The following RNF6 variants were observed in gnomAD, a reference collection of about 807,000 sequenced individuals.
RNF6 encodes the protein E3 ubiquitin-protein ligase RNF6.
A neutral mutation model predicts 50.1 loss-of-function variants in RNF6; 21 were observed. That is an observed-to-expected ratio of 0.42 (90% CI 0.30 to 0.60). The LOEUF (loss-of-function observed/expected upper bound fraction) is 0.60. Ranked by LOEUF, RNF6 falls within the 20% of genes least tolerant of loss-of-function variation. RNF6 has a pLI of 0.20. For missense variants in RNF6, 698 were observed against 838.2 expected, an observed-to-expected ratio of 0.83 and a Z score of 2.07; for synonymous variants, 255 against 291.8, an observed-to-expected ratio of 0.87 and a Z score of 1.29.
In RNF6 at chr13:26,215,134, C is replaced by T. The variant is rs761904142; in HGVS notation, c.748G>A (p.Ala250Thr). 7 of 1,614,064 alleles carry T rather than the reference C, an allele frequency of 4.3e-6. No homozygotes were observed. Among genetic ancestry groups the T allele is most frequent in the Middle Eastern group, 1.6e-4 (1 of 6,084 alleles). Residue 250 changes from alanine (A) to threonine (T), a missense_variant, in exon 5 of 5, where the codon GCT becomes ACT. Physicochemically the swap from Ala to Thr is moderately conservative, Grantham distance 58 (BLOSUM62 0). Transcript: ENST00000381588. ...GGAAGIPRAN[A>T]SRTNFSSHTN... ...TGACTACTGAAATTAGTGCGTGAAGCGTTAGCTCGAGGAATGCCAGCTGCT... is the reference window on the plus strand; with the variant it reads ...TGACTACTGAAATTAGTGCGTGAAGTGTTAGCTCGAGGAATGCCAGCTGCT...
At chr13:26,178,482 G>A (rs527821591) in intron 5 of RNF6, among the ~76,000 whole-genome samples, 17 of 149,174 alleles carry the variant, frequency 1.1e-4, no homozygotes, top group Middle Eastern at 3.4e-3. Flanking sequence ...ATCATCTGGG[G>A]GATTAGCATT....
intron 5 of RNF6, among the ~76,000 whole-genome samples, chr13:26,160,639 A>T (rs1872167752): frequency 6.6e-6 from 1 of 150,970 alleles, no homozygotes; most frequent in Admixed American, 6.6e-5. Context: ...TATTCTATAA[A>T]TTGTGCTGAG....
At chr13:26,132,329 C>T in exon 6 of RNF6, 1 of 396,640 alleles carries the variant, frequency 2.5e-6, no homozygotes, top group South Asian at 1.9e-5. Context: ...ATACATTTTA[C>T]CCCTTAGGCT....
At chr13:26,154,664 G>T (rs1177394108) in intron 5 of RNF6, among the ~76,000 whole-genome samples, 1 of 152,184 alleles carries the variant, frequency 6.6e-6, no homozygotes. Context: ...AACATGATAA[G>T]TTAGGTGTAC....
intron 5 of RNF6, among the ~76,000 whole-genome samples, chr13:26,150,395 T>A (rs1022990807): frequency 1.3e-5 from 2 of 152,126 alleles, no homozygotes; most frequent in African/African-American, 4.8e-5. Flanking sequence ...GGAAGGAGAC[T>A]CTGCAAGAGT....
chr13:26,195,821 A>G (rs1394867802), intron 5 of RNF6, among the ~76,000 whole-genome samples: 1 of 151,996 alleles, frequency 6.6e-6, no homozygotes, highest in East Asian at 1.9e-4. Flanking sequence ...CATACATACA[A>G]TTTTACACAA....
chr13:26,155,073 T>C (rs1871842371), intron 5 of RNF6, among the ~76,000 whole-genome samples: 1 of 151,786 alleles, frequency 6.6e-6, no homozygotes, highest in Non-Finnish European at 1.5e-5. Context: ...TCAACCTCTG[T>C]CTTATAGTTT....
intron 5 of RNF6, among the ~76,000 whole-genome samples, chr13:26,182,649 C>CA (rs1873296777): frequency 6.6e-6 from 1 of 151,934 alleles, no homozygotes; most frequent in Non-Finnish European, 1.5e-5. Context: ...CACATTGCTA[C>CA]AAAAAATTAG....
chr13:26,215,688 T>A, intron 4 of RNF6, 96 bp from the exon 5 acceptor site: 2 of 1,075,244 alleles, frequency 1.9e-6, no homozygotes, highest in Non-Finnish European at 1.3e-6. Flanking sequence ...TGTAATAAAT[T>A]AAAGAACATC....
rs138379662 is a variant in RNF6, at chr13:26,214,167, C to T, written c.1715G>A (p.Arg572Gln). 2,123 of 1,614,144 alleles carry T rather than the reference C, an allele frequency of 1.3e-3. 15 individuals are homozygous for T. In the African/African-American group the frequency reaches 0.014, roughly 11 times the overall value. Residue 572 changes from arginine to glutamine, a missense_variant, in exon 5 of 5, where the codon CGA (arginine) becomes CAA (glutamine). Transcript: ENST00000381588. Reference sequence around the variant, plus strand: ...AGTTTCAACTAAATTGTTTGGATTTCGCAACTGCCTGCCACCCCTACTGTC... The same window carrying T: ...AGTTTCAACTAAATTGTTTGGATTTTGCAACTGCCTGCCACCCCTACTGTC... ...NSDSRGGRQL[R>Q]NPNNLVETGT...
intron 5 of RNF6, among the ~76,000 whole-genome samples, chr13:26,134,965 CA>C (rs1337134342): frequency 2.0e-5 from 3 of 151,722 alleles, no homozygotes; most frequent in Non-Finnish European, 4.4e-5. Flanking sequence ...TTAAAGTTAA[CA>C]AAAAAAGATT....
At chr13:26,164,312 C>G (rs1256596981) in intron 5 of RNF6, among the ~76,000 whole-genome samples, 1 of 152,120 alleles carries the variant, frequency 6.6e-6, no homozygotes, top group Non-Finnish European at 1.5e-5. Context: ...CTAGAGCCAC[C>G]AACCCTGTAA....
chr13:26,203,876 C>T (rs1868989339), intron 5 of RNF6, among the ~76,000 whole-genome samples: 1 of 152,138 alleles, frequency 6.6e-6, no homozygotes, highest in South Asian at 2.1e-4. Flanking sequence ...TGGCGTGAAC[C>T]CGGGAGGCGG....
chr13:26,140,516 T>G (rs2137553939), intron 5 of RNF6, among the ~76,000 whole-genome samples: 1 of 152,256 alleles, frequency 6.6e-6, no homozygotes, highest in South Asian at 2.1e-4. Flanking sequence ...ATGAACCATC[T>G]ATGACAAACC....
At chr13:26,138,979 C>A (rs938987515) in intron 5 of RNF6, among the ~76,000 whole-genome samples, 2 of 152,192 alleles carry the variant, frequency 1.3e-5, no homozygotes, top group Non-Finnish European at 2.9e-5. Context: ...CTTGATTATT[C>A]TTAGCTATTT....
intron 5 of RNF6, chr13:26,142,439 A>T (rs1871006807): frequency 6.6e-6 from 1 of 152,212 alleles, no homozygotes; most frequent in African/African-American, 2.4e-5. Context: ...TCATCACAGC[A>T]CTATTCACAA....
chr13:26,209,159 T>C (rs535767153), downstream of RNF6, among the ~76,000 whole-genome samples: 1 of 152,318 alleles, frequency 6.6e-6, no homozygotes, highest in East Asian at 1.9e-4. Context: ...TCCGGCATTA[T>C]GGTAGACCCT....
chr13:26,207,364 T>C (rs1869152301), intron 5 of RNF6, among the ~76,000 whole-genome samples: 1 of 151,930 alleles, frequency 6.6e-6, no homozygotes, highest in African/African-American at 2.4e-5. Flanking sequence ...CAGTAGGAAA[T>C]TAACAGGGAC....
At chr13:26,148,632 T>TTATATATA (rs57373126) in intron 5 of RNF6, among the ~76,000 whole-genome samples, 7,681 of 45,960 alleles carry the variant, frequency 0.17, 1,034 homozygotes, top group Non-Finnish European at 0.18. Flanking sequence ...ATAAATCTCT[T>TTATATATA]TATATATATA....
Sources: gnomAD v4.1 joint callset for allele counts (sites outside exome capture counted in the v4.1 genomes callset) on GRCh38, gnomAD v4.1.1 for gene constraint, MANE v1.5 for transcripts, NCBI Gene and HGNC (gene_info 2026-07-23, HGNC 2026-07-21) for gene names.